TAFA5: variants seen among roughly 807,000 people sequenced by gnomAD.
The protein encoded by TAFA5 is TAFA chemokine like family member 5.
In TAFA5, 6 loss-of-function variants were observed where a neutral mutation model predicts 15.3. The ratio of observed to expected loss-of-function variants is 0.39; its 90% CI spans 0.21 to 0.77. The LOEUF (loss-of-function observed/expected upper bound fraction) is 0.77. Ranked by LOEUF, TAFA5 falls within the 30% of genes least tolerant of loss-of-function variation. The probability of loss-of-function intolerance (pLI) is 0.41; values close to 1 mark genes in which losing one functional copy is unlikely to be tolerated. For missense variants in TAFA5, 161 were observed against 193.1 expected (o/e 0.83, Z 0.98); for synonymous variants, 103 against 80.7 (o/e 1.28, Z -1.48).
At chr22:48,634,203 C>T (rs1926355698) in intron 1 of TAFA5, among the ~76,000 whole-genome samples, 1 of 152,102 alleles carries the variant, frequency 6.6e-6, no homozygotes, top group African/African-American at 2.4e-5. Context: ...TCACCCATCA[C>T]TCACTCATTG....
chr22:48,531,442 C>T (rs73171496), intron 1 of TAFA5, among the ~76,000 whole-genome samples: 35,257 of 152,130 alleles, frequency 0.23, 4,653 homozygotes, highest in Middle Eastern at 0.3. Flanking sequence ...TCCTGACACC[C>T]GCCCCGGTGC....
chr22:48,591,421 G>A (rs1601600575), intron 1 of TAFA5, among the ~76,000 whole-genome samples: 1 of 152,240 alleles, frequency 6.6e-6, no homozygotes, highest in African/African-American at 2.4e-5. Context: ...ACCCCCGTGC[G>A]TCTGACCCCC....
At chr22:48,576,490 CT>C in intron 1 of TAFA5, 1 of 1,484,878 alleles carries the variant, frequency 6.7e-7, no homozygotes, top group Non-Finnish European at 9.0e-7. Flanking sequence ...GATGCAGCTC[CT>C]GAAGGCGCTC....
chr22:48,602,743 G>A (rs1925020513), intron 1 of TAFA5, among the ~76,000 whole-genome samples: 1 of 152,220 alleles, frequency 6.6e-6, no homozygotes, highest in South Asian at 2.1e-4. Context: ...AAGTGTCCGG[G>A]ACCTGCTGGT....
At chr22:48,575,305 C>T (rs1923727916) in intron 1 of TAFA5, among the ~76,000 whole-genome samples, 1 of 151,446 alleles carries the variant, frequency 6.6e-6, no homozygotes, top group South Asian at 2.1e-4. Context: ...GCCGGCGCGC[C>T]AGGCGGGGGC....
In TAFA5 at chr22:48,560,999, G is replaced by C. The variant is rs1923211609; in HGVS notation, c.112+71295G>C. The stretch of plus-strand genomic sequence containing the variant: ...GTCCTCTACACCTGGGGATGGAGCG[G>C]TTCCCTGTGTGGGTGACACTGGGAT... On this transcript the variant is annotated intron_variant, in intron 1 of 3. Coordinates refer to ENST00000402357, the MANE Select transcript of TAFA5 (RefSeq NM_001082967.3). This position sits in a 1 kb window ranked among gnomAD's most constrained non-coding sequence, Gnocchi z 4.2. Among the ~76,000 whole-genome samples, 2 of 152,176 alleles carry C rather than the reference G, an allele frequency of 1.3e-5. No homozygotes were observed. Among genetic ancestry groups the C allele is most frequent in the African/African-American group, 4.8e-5 (2 of 41,438 alleles).
chr22:48,707,198 G>A (rs1276274287), intron 2 of TAFA5, among the ~76,000 whole-genome samples: 1 of 152,134 alleles, frequency 6.6e-6, no homozygotes, highest in Non-Finnish European at 1.5e-5. Flanking sequence ...GCCAGGGGTG[G>A]TTGTAAAATC....
intron 1 of TAFA5, chr22:48,539,319 C>T (rs1013435755): frequency 1.1e-5 from 5 of 467,110 alleles, no homozygotes; most frequent in Middle Eastern, 3.3e-4. Flanking sequence ...GCCAGATAAT[C>T]GGAGGCAAAG....
In TAFA5 at chr22:48,634,165, A is replaced by G. The variant is rs371391868; in HGVS notation, c.113-12432A>G. On this transcript the variant is annotated intron_variant, in intron 1 of 3. Coordinates refer to ENST00000402357, the MANE Select transcript of TAFA5 (RefSeq NM_001082967.3). ...ACTCATTTATTCACTCACTTATTCA[A>G]TCATTTACTCATTCACCCACTCATC... Among the ~76,000 whole-genome samples, 58 of 146,248 alleles carry G rather than the reference A, an allele frequency of 4.0e-4. 2 individuals are homozygous for G. The South Asian group carries it at 9.9e-3, about 25-fold the overall frequency.
intron 1 of TAFA5, among the ~76,000 whole-genome samples, chr22:48,538,318 C>T (rs1322695100): frequency 2.6e-5 from 4 of 152,174 alleles, no homozygotes; most frequent in Non-Finnish European, 4.4e-5. Context: ...GCCGCTGCCC[C>T]GAGCCCTGCC....
chr22:48,650,993 G>A (rs564808143), intron 2 of TAFA5, among the ~76,000 whole-genome samples: 14 of 152,362 alleles, frequency 9.2e-5, no homozygotes, highest in African/African-American at 2.2e-4. Flanking sequence ...CCCTGTGTCC[G>A]AGTCCAGCGC....
At chr22:48,578,503 C>T (rs1203437418) in intron 1 of TAFA5, among the ~76,000 whole-genome samples, 1 of 152,214 alleles carries the variant, frequency 6.6e-6, no homozygotes, top group Non-Finnish European at 1.5e-5. Flanking sequence ...GGATTTAGCC[C>T]TTCACAGAGA....
chr22:48,583,330 A>G (rs1337893669), intron 1 of TAFA5, among the ~76,000 whole-genome samples: 1 of 146,174 alleles, frequency 6.8e-6, no homozygotes, highest in Non-Finnish European at 1.5e-5. Context: ...TACACAAAAT[A>G]CGCACACCAG....
chr22:48,633,438 C>CAGGG (rs1926304815), intron 1 of TAFA5, among the ~76,000 whole-genome samples: 1 of 152,150 alleles, frequency 6.6e-6, no homozygotes, highest in Non-Finnish European at 1.5e-5. Context: ...CACCCACGTG[C>CAGGG]AGGGGCTCTT....
chr22:48,495,445 C>T (rs563012217), intron 1 of TAFA5, among the ~76,000 whole-genome samples: 9 of 152,236 alleles, frequency 5.9e-5, no homozygotes, highest in African/African-American at 2.2e-4. Flanking sequence ...TTCATGCTAC[C>T]CTTCTGTGTC....
chr22:48,623,942 C>A (rs750890866), intron 1 of TAFA5, among the ~76,000 whole-genome samples: 4 of 152,190 alleles, frequency 2.6e-5, no homozygotes, highest in Admixed American at 6.5e-5. Flanking sequence ...AATTAAAGAA[C>A]TGGCATTGGC....
At chr22:48,705,182 G>A (rs1210815607) in intron 2 of TAFA5, among the ~76,000 whole-genome samples, 2 of 152,134 alleles carry the variant, frequency 1.3e-5, no homozygotes, top group East Asian at 1.9e-4. Context: ...AAAGGGATTG[G>A]GGGTAGCCAT....
intron 1 of TAFA5, among the ~76,000 whole-genome samples, chr22:48,581,534 G>C (rs1006682894): frequency 1.3e-5 from 2 of 152,216 alleles, no homozygotes; most frequent in African/African-American, 4.8e-5. Flanking sequence ...TGGGCGCGCG[G>C]AGCTGTAGGA....
In TAFA5 at chr22:48,707,675, A is replaced by G. The variant is rs375438298; in HGVS notation, c.263-42A>G. ...GCCCTCAGCAACACCCTCACGATCC[A>G]TGAGAGTAGCACGCTGATTGCCTCT... On this transcript the variant is annotated intron_variant, in intron 2 of 3. Transcript: ENST00000402357. 1.5e-5 allele frequency: 24 copies of G among 1,607,484 alleles called. No homozygotes were observed. In the South Asian group the frequency reaches 2.1e-4, roughly 14 times the overall value.
Sources: gnomAD v4.1 joint callset for allele counts (sites outside exome capture counted in the v4.1 genomes callset) on GRCh38, gnomAD v4.1.1 for gene constraint, Gnocchi (gnomAD v3.1) non-coding constraint, MANE v1.5 for transcripts, NCBI Gene and HGNC (gene_info 2026-07-23, HGNC 2026-07-21) for gene names.